Variants in PCDH11X observed in about 807,000 individuals in gnomAD.
The protein encoded by PCDH11X is protocadherin-11 X-linked.
In PCDH11X, 18 loss-of-function variants were observed where a neutral mutation model predicts 53.3. The observed-to-expected ratio is 0.34, with a 90% CI of 0.23 to 0.50. PCDH11X has a LOEUF of 0.50. PCDH11X is among the 20% of genes least tolerant of loss of function. The pLI, the probability that PCDH11X is intolerant of heterozygous loss-of-function variation, is 0.98. For synonymous variants in PCDH11X, 279 were observed against 393.3 expected, an observed-to-expected ratio of 0.71 and a Z score of 3.44; for missense variants, 570 against 1,032.4, an observed-to-expected ratio of 0.55 and a Z score of 6.14.
intron 10 of PCDH11X, among the ~76,000 whole-genome samples, chrX:92,559,822 C>A (rs1021133908): frequency 1.8e-4 from 20 of 110,671 alleles, no homozygotes; most frequent in Non-Finnish European, 3.2e-4. Context: ...GCAAGCCTTG[C>A]CATCACAAAC....
At chrX:92,160,682 A>G (rs1297602035) in intron 6 of PCDH11X, among the ~76,000 whole-genome samples, 3 of 96,470 alleles carry the variant, frequency 3.1e-5, no homozygotes, top group East Asian at 3.1e-4. Context: ...TCTTCTGGGT[A>G]GATACCCAGT....
At chrX:92,008,549 T>G (rs2147975364) in intron 6 of PCDH11X, among the ~76,000 whole-genome samples, 1 of 110,321 alleles carries the variant, frequency 9.1e-6, no homozygotes, top group East Asian at 2.9e-4. Flanking sequence ...CAGGGTTTAT[T>G]TCTTCAGTGC....
At chrX:91,947,038 T>G (rs1191142610) in intron 6 of PCDH11X, among the ~76,000 whole-genome samples, 1 of 102,692 alleles carries the variant, frequency 9.7e-6, no homozygotes, top group Admixed American at 1.1e-4. Flanking sequence ...ACAAAGCTGA[T>G]CCTGGGTAAT....
At chrX:92,233,110 CT>C (rs201302999) in intron 7 of PCDH11X, among the ~76,000 whole-genome samples, 1,551 of 101,748 alleles carry the variant, frequency 0.015, 23 homozygotes, top group African/African-American at 0.052. Context: ...ATCCTAAACC[CT>C]ACCTAATGCC....
chrX:91,861,326 C>T (rs964096560), intron 5 of PCDH11X, among the ~76,000 whole-genome samples: 2 of 111,016 alleles, frequency 1.8e-5, no homozygotes, highest in Admixed American at 1.9e-4. Flanking sequence ...GGTGATATCC[C>T]CTTTATCATT....
At chrX:92,398,434 A>G (rs770654219) in intron 9 of PCDH11X, among the ~76,000 whole-genome samples, 1 of 112,054 alleles carries the variant, frequency 8.9e-6, no homozygotes, top group South Asian at 3.7e-4. Context: ...TTTTGCAGAA[A>G]GAAAAAAAAA....
At chrX:92,495,393 AT>A (rs4020627) in intron 10 of PCDH11X, among the ~76,000 whole-genome samples, 315 of 103,659 alleles carry the variant, frequency 3.0e-3, no homozygotes, top group African/African-American at 9.7e-3. Flanking sequence ...GTCGCAGTCA[AT>A]TTTTTTTTTT....
chrX:92,353,415 A>G (rs898685382), intron 8 of PCDH11X, among the ~76,000 whole-genome samples: 2 of 111,271 alleles, frequency 1.8e-5, no homozygotes, highest in Non-Finnish European at 3.8e-5. Flanking sequence ...CCCTAATCAG[A>G]TATATCTGTT....
At chrX:92,457,700 A>G (rs1179697397) in intron 9 of PCDH11X, among the ~76,000 whole-genome samples, 1 of 108,420 alleles carries the variant, frequency 9.2e-6, no homozygotes, top group African/African-American at 3.3e-5. Flanking sequence ...AAACTGATGT[A>G]TTAGGAGGAA....
At chrX:92,321,129 T>C (rs1475665561) in intron 8 of PCDH11X, among the ~76,000 whole-genome samples, 1 of 108,420 alleles carries the variant, frequency 9.2e-6, no homozygotes, top group Non-Finnish European at 1.9e-5. Flanking sequence ...AAAGCTATAG[T>C]TATGGCTTGT....
intron 6 of PCDH11X, among the ~76,000 whole-genome samples, chrX:92,101,612 G>A (rs1313961123): frequency 2.7e-5 from 3 of 110,848 alleles, no homozygotes; most frequent in South Asian, 3.8e-4. Flanking sequence ...CTAAACTGAG[G>A]AATTATGTCT....
intron 7 of PCDH11X, among the ~76,000 whole-genome samples, chrX:92,236,484 A>G (rs1320170840): frequency 9.0e-6 from 1 of 111,690 alleles, no homozygotes; most frequent in Non-Finnish European, 1.9e-5. Flanking sequence ...TGACTCATTG[A>G]CATACTTTCC....
At chrX:92,222,428 A>G (rs1046017656) in intron 7 of PCDH11X, among the ~76,000 whole-genome samples, 2 of 111,743 alleles carry the variant, frequency 1.8e-5, no homozygotes, top group African/African-American at 6.5e-5. Flanking sequence ...TTTACTTTAT[A>G]ATAGATAGTT....
At chrX:91,812,655 A>G (rs190433678) in intron 4 of PCDH11X, among the ~76,000 whole-genome samples, 307 of 111,279 alleles carry the variant, frequency 2.8e-3, no homozygotes, top group Non-Finnish European at 4.3e-3. Context: ...CTCAGACTCT[A>G]TGAGTACTTC....
Position 92,009,730 on chromosome X carries a change from G to A in PCDH11X, c.3033+130457G>A, listed in dbSNP as rs1324461325. ...TTTTTTTTTTTTTTTTTGAGACGGA[G>A]TCATCTCTCTCTCCCAGGCTGCAGT... On this transcript the variant is annotated intron_variant, in intron 6 of 10. Coordinates refer to ENST00000682573, the MANE Select transcript of PCDH11X (RefSeq NM_032968.5). Among the ~76,000 whole-genome samples, 3 of 89,530 alleles carry A rather than the reference G, an allele frequency of 3.4e-5. No homozygotes were observed. The South Asian group carries it at 1.9e-3, about 56-fold the overall frequency. 77.7% of individuals were successfully genotyped at this position (89,530 alleles called of 115,157 possible).
chrX:92,461,354 A>C (rs1266661830), intron 9 of PCDH11X, among the ~76,000 whole-genome samples: 1 of 108,892 alleles, frequency 9.2e-6, no homozygotes, highest in East Asian at 2.9e-4. Context: ...TGGCATAAAA[A>C]TAGACACATA....
At chrX:92,592,764 G>T (rs1320725985) in intron 10 of PCDH11X, among the ~76,000 whole-genome samples, 2 of 111,889 alleles carry the variant, frequency 1.8e-5, no homozygotes, top group African/African-American at 6.5e-5. Flanking sequence ...TCAAATGCCA[G>T]AAATATTGGC....
chrX:92,147,855 T>TTTCTCTTTCTTTCTCTTTCTTTCTTTC (rs1569388358), intron 6 of PCDH11X, among the ~76,000 whole-genome samples: 11 of 22,373 alleles, frequency 4.9e-4, no homozygotes, highest in African/African-American at 8.6e-4. Flanking sequence ...TTCTTTCTTT[T>TTTCTCTTTCTTTCTCTTTCTTTCTTTC]TTCTTTTCTC....
chrX:91,963,534 A>G (rs1291855488), intron 6 of PCDH11X, among the ~76,000 whole-genome samples: 1 of 111,457 alleles, frequency 9.0e-6, no homozygotes, highest in Non-Finnish European at 1.9e-5. Flanking sequence ...AAAGCCATTC[A>G]CCAAGTCTCT....
Sources: allele counts gnomAD v4.1 joint callset (sites outside exome capture counted in the v4.1 genomes callset), GRCh38; gene constraint gnomAD v4.1.1; transcripts MANE v1.5; gene names NCBI Gene and HGNC (gene_info 2026-07-23, HGNC 2026-07-21).